MED29: variants seen among roughly 807,000 people sequenced by gnomAD.
The protein encoded by MED29 is mediator complex subunit 29, also known as mediator of RNA polymerase II transcription subunit 29.
Under a neutral mutation model 22.0 loss-of-function variants are expected in MED29, and 14 were observed. That is an observed-to-expected ratio of 0.64 (90% confidence interval 0.42 to 0.99). MED29 has a LOEUF of 0.99. Ranked by LOEUF, MED29 falls within the 50% of genes least tolerant of loss-of-function variation. MED29 has a pLI of 0.00. For missense variants in MED29, 241 were observed against 253.7 expected (o/e 0.95, Z 0.34); for synonymous variants, 123 against 107.8 (o/e 1.14, Z -0.87).
Position 39,399,399 on chromosome 19 carries a change from T to C in MED29, c.*1700T>C, listed in dbSNP as rs2145957569. 6.6e-6 allele frequency: 1 copy of C among 152,310 alleles called. No homozygotes were observed. The allele number at this position is 152,310 out of a possible 1,614,324, so 9.4% of individuals were successfully genotyped here. ...AATACAAAAAATTAGCCGGGTGTGG[T>C]GGCACACACCTGTAGTCCCAGCTAC... On this transcript the variant is annotated 3_prime_UTR_variant, in exon 4 of 4. Coordinates refer to ENST00000315588, the MANE Select transcript of MED29 (RefSeq NM_017592.4).
intron 3 of MED29, 75 bp from the exon 4 acceptor site, chr19:39,397,382 C>T: frequency 6.6e-7 from 1 of 1,510,810 alleles, no homozygotes; most frequent in South Asian, 1.2e-5. Context: ...GCCGACAACC[C>T]CCAGCTGGCC....
chr19:39,397,880 CCTT>C lies in MED29; in HGVS notation c.*186_*188del. The C allele has an allele frequency of 1.0e-6, 1 of 986,338 alleles. No individual in the cohort carries two copies. The highest frequency in any genetic ancestry group is 1.5e-6 in the Non-Finnish European group (1 of 687,154). 61.1% of individuals were successfully genotyped at this position (986,338 alleles called of 1,614,324 possible). On this transcript the variant is annotated 3_prime_UTR_variant, in exon 4 of 4. Coordinates refer to ENST00000315588, the MANE Select transcript of MED29 (RefSeq NM_017592.4). ...CAGGCCGGGCCCCTGCGTCCCTGCC[CCTT>C]CTTCCTGCTCCCCCTCCTAGCCTAG...
chr19:39,393,285 G>C (rs1377892093), intron 2 of MED29, among the ~76,000 whole-genome samples: 1 of 149,524 alleles, frequency 6.7e-6, no homozygotes, highest in Non-Finnish European at 1.5e-5. Context: ...TAGTAGAGAT[G>C]GGGTTTCACC....
At chr19:39,397,430 G>A in intron 3 of MED29, 27 bp from the exon 4 acceptor site, 12 of 1,593,586 alleles carry the variant, frequency 7.5e-6, no homozygotes, top group Non-Finnish European at 1.0e-5. Context: ...TGGAGCTGAT[G>A]CTGTCCCCTT....
At chr19:39,395,106 A>G (rs1000051764) in intron 3 of MED29, among the ~76,000 whole-genome samples, 7 of 152,120 alleles carry the variant, frequency 4.6e-5, no homozygotes, top group Non-Finnish European at 1.0e-4. Context: ...CACCCACCTC[A>G]GCCTCCCAAG....
chr19:39,397,760 A>G lies in MED29; in HGVS notation c.*61A>G, dbSNP rs2078437323. ...TGGGTGGTGTGCAAAGGGAATGAAG[A>G]GCGTCCTGGGCCTAAACACAGCAGC... On this transcript the variant is annotated 3_prime_UTR_variant, in exon 4 of 4. Transcript: ENST00000315588. 1.1e-5 allele frequency: 17 copies of G among 1,572,416 alleles called. No homozygotes were observed. The highest frequency in any genetic ancestry group is 1.5e-5 in the Non-Finnish European group (17 of 1,162,814).
rs2078441245 is a variant in MED29, at chr19:39,398,228, T to C, written c.*529T>C. The C allele has an allele frequency of 6.2e-6, 1 of 162,522 alleles. No individual in the cohort carries two copies. The highest frequency in any genetic ancestry group is 2.4e-5 in the African/African-American group (1 of 41,764). The allele number at this position is 162,522 out of a possible 1,614,324, so 10.1% of individuals were successfully genotyped here. A position where few individuals can be genotyped will look rare whatever the true frequency, so the allele number is the denominator to read the frequency against. ...GCTCCTAACTGGGACTCTGTGTCTA[T>C]GCAGGGGGCCAGCACCCCTGGGTTA... is the stretch of plus-strand genomic sequence containing the variant. On this transcript the variant is annotated 3_prime_UTR_variant, in exon 4 of 4. Transcript: ENST00000315588.
At chr19:39,393,434 A>G (rs1031157709) in intron 2 of MED29, 119 bp from the exon 3 acceptor site, 1 of 925,846 alleles carries the variant, frequency 1.1e-6, no homozygotes, top group Non-Finnish European at 1.7e-6. Context: ...GTTTTCAACC[A>G]CTACTTCAGA....
rs777298003 is a variant in MED29, at chr19:39,391,415, C to T, written c.-8C>T. 1.2e-6 allele frequency: 2 copies of T among 1,611,506 alleles called. No individual in the cohort carries two copies. The highest frequency in any genetic ancestry group is 8.5e-7 in the Non-Finnish European group (1 of 1,177,914). Reference sequence around the variant, plus strand: ...CGTAACGCACTTCCGGCGGTCTACGCGAGGAAGATGGCTGCATCCCAGCAG... The same window carrying T: ...CGTAACGCACTTCCGGCGGTCTACGTGAGGAAGATGGCTGCATCCCAGCAG... On this transcript the variant is annotated 5_prime_UTR_variant, in exon 1 of 4. Transcript: ENST00000315588.
chr19:39,394,808 C>CA (rs780439843), intron 3 of MED29, among the ~76,000 whole-genome samples: 5 of 151,506 alleles, frequency 3.3e-5, no homozygotes, highest in Non-Finnish European at 7.4e-5. Flanking sequence ...GTGATCCACC[C>CA]ACCTCACCCT....
At chr19:39,395,402 A>G (rs1367479946) in intron 3 of MED29, among the ~76,000 whole-genome samples, 1 of 152,046 alleles carries the variant, frequency 6.6e-6, no homozygotes, top group Admixed American at 6.6e-5. Context: ...CTGGCTGACA[A>G]ATGAGGGGAG....
chr19:39,392,629 T>TTA, intron 2 of MED29, 107 bp downstream of exon 2: 1 of 878,666 alleles, frequency 1.1e-6, no homozygotes, highest in Non-Finnish European at 1.7e-6. Flanking sequence ...ATTTACTTTT[T>TTA]TTTTTTTTTT....
intron 2 of MED29, 42 bp downstream of exon 2, chr19:39,392,564 C>A (rs775603913): frequency 1.3e-6 from 2 of 1,560,316 alleles, no homozygotes; most frequent in South Asian, 2.3e-5. Flanking sequence ...ATTGCCTTCC[C>A]AGTCTTTGAA....
At position 39,398,075 on chromosome 19, in the gene MED29, T is replaced by C. The variant is rs1387609004; in HGVS notation, c.*376T>C. The C allele has an allele frequency of 8.9e-6, 4 of 448,684 alleles. No homozygotes were observed. Among genetic ancestry groups the C allele is most frequent in the Non-Finnish European group, 1.6e-5 (4 of 250,918 alleles). The allele number at this position is 448,684 out of a possible 1,614,324, so 27.8% of individuals were successfully genotyped here. The stretch of plus-strand genomic sequence containing the variant: ...CACTCCTCTGTGTCTCTATTACAGT[T>C]GTGTCTCTCTCATCCTGTCTCTTTT... On this transcript the variant is annotated 3_prime_UTR_variant, in exon 4 of 4. Transcript: ENST00000315588.
At position 39,391,395 on chromosome 19, in the gene MED29, C is replaced by T. The variant is rs759843897; in HGVS notation, c.-28C>T. On this transcript the variant is annotated 5_prime_UTR_variant, in exon 1 of 4. The change creates a new upstream start codon in the 5' untranslated region. Transcript: ENST00000315588. ...GCAACGGGGAGAGACGCAGTCGTAACGCACTTCCGGCGGTCTACGCGAGGA... is the reference window on the plus strand; with the variant it reads ...GCAACGGGGAGAGACGCAGTCGTAATGCACTTCCGGCGGTCTACGCGAGGA... 13 of 1,606,654 alleles carry T rather than the reference C, an allele frequency of 8.1e-6. No homozygotes were observed. Among genetic ancestry groups the T allele is most frequent in the South Asian group, 1.1e-5 (1 of 90,816 alleles).
intron 3 of MED29, among the ~76,000 whole-genome samples, chr19:39,395,902 G>C (rs1223772799): frequency 6.6e-6 from 1 of 151,454 alleles, no homozygotes; most frequent in Non-Finnish European, 1.5e-5. Context: ...GGGTGACAGA[G>C]CGAGACTCCG....
chr19:39,392,806 A>G (rs2078401273), intron 2 of MED29: 1 of 375,452 alleles, frequency 2.7e-6, no homozygotes, highest in Admixed American at 4.5e-5. Context: ...CTAATTTGTA[A>G]GATTTTTTTA....
In MED29 at chr19:39,398,382, T is replaced by TCTGAG. The variant is rs1195389694; in HGVS notation, c.*686_*690dup. On this transcript the variant is annotated 3_prime_UTR_variant, in exon 4 of 4. Coordinates refer to ENST00000315588, the MANE Select transcript of MED29 (RefSeq NM_017592.4). ...AGAGGAGCAGTGGAGGGGCCCAGGC[T>TCTGAG]CTGAGCTCCACAGGTCTGAGCAGGG... 6.5e-6 allele frequency: 1 copy of TCTGAG among 153,018 alleles called. No homozygotes were observed. The highest frequency in any genetic ancestry group is 1.9e-4 in the East Asian group (1 of 5,190). 9.5% of individuals were successfully genotyped at this position (153,018 alleles called of 1,614,324 possible).
At chr19:39,392,874 A>G (rs1232142708) in intron 2 of MED29, 2 of 232,630 alleles carry the variant, frequency 8.6e-6, no homozygotes, top group African/African-American at 4.6e-5. Flanking sequence ...GCCTCTAGCC[A>G]TCCCCTCAGC....
Sources: allele counts gnomAD v4.1 joint callset (sites outside exome capture counted in the v4.1 genomes callset), GRCh38; gene constraint gnomAD v4.1.1; transcripts MANE v1.5; gene names NCBI Gene and HGNC (gene_info 2026-07-23, HGNC 2026-07-21).